TRAPPC9: variants seen among roughly 807,000 people sequenced by gnomAD.
TRAPPC9 encodes trafficking protein particle complex subunit 9, also known as IKK2 binding protein.
In TRAPPC9, 83 loss-of-function variants were observed where a neutral mutation model predicts 124.0. That is an observed-to-expected ratio of 0.67 (90% CI 0.56 to 0.80). The LOEUF (loss-of-function observed/expected upper bound fraction) is 0.80, where lower values mean the gene tolerates loss of function less well. TRAPPC9 is among the 30% of genes least tolerant of loss of function. The probability of loss-of-function intolerance (pLI) is 0.00; values close to 1 mark genes in which losing one functional copy is unlikely to be tolerated. For synonymous variants in TRAPPC9, 638 were observed against 617.5 expected (o/e 1.03, Z -0.49); for missense variants, 1,302 against 1,508.3 (o/e 0.86, Z 2.27).
rs146725831 is a variant in TRAPPC9, at chr8:140,180,079, T to C, written c.2556+41380A>G. ...AGGTCATTTACACTTAATGTGGTTA[T>C]AGATGCTGTTGAGCTTACTTCTACC... On this transcript the variant is annotated intron_variant, in intron 17 of 22. Transcript: ENST00000438773. 4.1e-5 allele frequency among the ~76,000 whole-genome samples: 6 copies of C among 147,160 alleles called. No homozygotes were observed. The East Asian group carries it at 6.3e-4, about 15-fold the overall frequency.
intron 17 of TRAPPC9, among the ~76,000 whole-genome samples, chr8:140,045,812 A>G (rs117927096): frequency 0.022 from 3,361 of 152,034 alleles, 49 homozygotes; most frequent in South Asian, 0.04. Flanking sequence ...CAGATCAATT[A>G]CATTCCCTTA....
intron 18 of TRAPPC9, among the ~76,000 whole-genome samples, chr8:139,996,618 A>G (rs1338901700): frequency 6.6e-6 from 1 of 152,250 alleles, no homozygotes; most frequent in Non-Finnish European, 1.5e-5. Context: ...GAAACAAAGA[A>G]GAAAATAACA....
At chr8:140,441,265 G>A (rs1305508590) in intron 2 of TRAPPC9, among the ~76,000 whole-genome samples, 5 of 151,558 alleles carry the variant, frequency 3.3e-5, no homozygotes. Flanking sequence ...ACAGTTCTTT[G>A]CCCAGCCAGC....
intron 21 of TRAPPC9, among the ~76,000 whole-genome samples, chr8:139,877,688 A>G (rs921598495): frequency 3.9e-5 from 6 of 152,064 alleles, no homozygotes; most frequent in Admixed American, 1.3e-4. Context: ...ACAGCCCCCA[A>G]AGATCACACC....
In TRAPPC9 at chr8:140,451,257, G is replaced by A. The variant is rs779205270; in HGVS notation, c.117C>T (p.Cys39=). 2 of 1,613,460 alleles carry A rather than the reference G, an allele frequency of 1.2e-6. No individual in the cohort carries two copies. The highest frequency in any genetic ancestry group is 2.2e-5 in the South Asian group (2 of 91,086). The change falls in exon 2 of 23, where the codon TGC becomes TGT. Residue 39 remains cysteine (C), a synonymous_variant. Transcript: ENST00000438773. ...ENFFRIYKRI[C]SVSQISVRDS... ...CCCGCACGCTGATCTGACTCACAGAGCAAATCCTCTTATAGATCCTGAAGA... is the reference window on the plus strand; with the variant it reads ...CCCGCACGCTGATCTGACTCACAGAACAAATCCTCTTATAGATCCTGAAGA...
chr8:140,346,985 G>C (rs1299772410), intron 9 of TRAPPC9, among the ~76,000 whole-genome samples: 3 of 152,228 alleles, frequency 2.0e-5, no homozygotes, highest in Non-Finnish European at 2.9e-5. Flanking sequence ...GAGGCACGGG[G>C]TAGCATCGGT....
At position 140,300,500 on chromosome 8, in the gene TRAPPC9, G is replaced by T. The variant is rs1367498676; in HGVS notation, c.1737C>A (p.His579Gln). The T allele has an allele frequency of 6.2e-7, 1 of 1,614,194 alleles. No homozygotes were observed. The highest frequency in any genetic ancestry group is 8.5e-7 in the Non-Finnish European group (1 of 1,180,038). The part of the protein sequence containing the change: ...SPFIYSPIIA[H>Q]NRGEERNKKI... ...TCTTGTTCCGCTCTTCTCCACGGTT[G>T]TGTGCGATAATTGGTGAATAGATGA... The change falls in exon 11 of 23, where the codon CAC becomes CAA. Residue 579 changes from histidine (H) to glutamine (Q), a missense_variant. Transcript: ENST00000438773.
chr8:140,036,478 C>A (rs1028686300), intron 17 of TRAPPC9, among the ~76,000 whole-genome samples: 1 of 137,126 alleles, frequency 7.3e-6, no homozygotes, highest in Non-Finnish European at 1.5e-5. Context: ...AGATTAGATT[C>A]TTGACCGAAA....
chr8:140,021,697 G>A (rs868726602), intron 18 of TRAPPC9, among the ~76,000 whole-genome samples: 1 of 152,178 alleles, frequency 6.6e-6, no homozygotes, highest in Admixed American at 6.5e-5. Context: ...GGAAGTGTCG[G>A]CTTAAGGAAC....
At chr8:140,131,255 A>G (rs910832411) in intron 17 of TRAPPC9, among the ~76,000 whole-genome samples, 1 of 152,218 alleles carries the variant, frequency 6.6e-6, no homozygotes, top group Non-Finnish European at 1.5e-5. Flanking sequence ...ACTGGGTAAT[A>G]GGGTACAGAC....
At chr8:140,456,809 G>C in intron 1 of TRAPPC9, 1 of 985,364 alleles carries the variant, frequency 1.0e-6, no homozygotes, top group South Asian at 4.7e-5. Flanking sequence ...CTTTCAACTG[G>C]GCCTTGCTTC....
intron 19 of TRAPPC9, among the ~76,000 whole-genome samples, chr8:139,970,899 C>G (rs988505419): frequency 6.6e-6 from 1 of 152,118 alleles, no homozygotes. Context: ...CCTCTGCCCC[C>G]TGTCGAACCC....
Position 140,281,116 on chromosome 8 carries a change from G to A in TRAPPC9, c.2114+2773C>T, listed in dbSNP as rs565825817. On this transcript the variant is annotated intron_variant, in intron 14 of 22. Transcript: ENST00000438773. ...TATGAACACTCGCACACAGGTTTCT[G>A]TGTCAACATATGTGTTCCATTGTCT... is the stretch of plus-strand genomic sequence containing the variant. Among the ~76,000 whole-genome samples, 4 of 152,240 alleles carry A rather than the reference G, an allele frequency of 2.6e-5. No homozygotes were observed. In the South Asian group the frequency reaches 8.3e-4, roughly 32 times the overall value.
chr8:139,977,573 G>A (rs1334681080), intron 19 of TRAPPC9, among the ~76,000 whole-genome samples: 9 of 148,330 alleles, frequency 6.1e-5, no homozygotes, highest in African/African-American at 2.2e-4. Flanking sequence ...AGCGGAGATC[G>A]CGCCACTGCA....
intron 9 of TRAPPC9, among the ~76,000 whole-genome samples, chr8:140,328,645 C>T (rs1165344761): frequency 2.0e-5 from 3 of 152,102 alleles, no homozygotes; most frequent in South Asian, 2.1e-4. Flanking sequence ...GTATACTGCT[C>T]AGGTCTCAGA....
rs890713020 is a variant in TRAPPC9, at chr8:140,143,138, G to C, written c.2556+78321C>G. Among the ~76,000 whole-genome samples the C allele has an allele frequency of 3.9e-4, 59 of 152,336 alleles. 1 individual carries two copies. Among genetic ancestry groups the C allele is most frequent in the African/African-American group, 1.4e-3 (57 of 41,576 alleles). ...AGAATAAAGGCAGCTGAGACAGTGT[G>C]CTGGTTAGCATGCGTTTCCCTGATT... On this transcript the variant is annotated intron_variant, in intron 17 of 22. Coordinates refer to ENST00000438773, the MANE Select transcript of TRAPPC9 (RefSeq NM_001160372.4).
At chr8:139,922,899 G>GGT (rs1483773164) in intron 19 of TRAPPC9, among the ~76,000 whole-genome samples, 1 of 152,188 alleles carries the variant, frequency 6.6e-6, no homozygotes, top group Non-Finnish European at 1.5e-5. Context: ...TTTTGCTCCT[G>GGT]GTATGTCATT....
intron 17 of TRAPPC9, among the ~76,000 whole-genome samples, chr8:140,201,935 T>G (rs1430460337): frequency 6.6e-6 from 1 of 152,054 alleles, no homozygotes; most frequent in East Asian, 1.9e-4. Context: ...TGACATACCA[T>G]CAGAGCTATG....
chr8:140,457,486 A>G (rs2071723004), intron 1 of TRAPPC9, among the ~76,000 whole-genome samples, 153 bp downstream of exon 1: 1 of 152,126 alleles, frequency 6.6e-6, no homozygotes, highest in African/African-American at 2.4e-5. Context: ...CCGGCCCGGC[A>G]GCGGACCCGG....
Sources: allele counts gnomAD v4.1 joint callset (sites outside exome capture counted in the v4.1 genomes callset), GRCh38; gene constraint gnomAD v4.1.1; transcripts MANE v1.5; gene names NCBI Gene and HGNC (gene_info 2026-07-23, HGNC 2026-07-21).